The following MEFV variants were observed in gnomAD, a reference collection of about 807,000 sequenced individuals.
MEFV encodes the protein MEFV innate immunity regulator, pyrin.
In MEFV, 60 loss-of-function variants were observed where a neutral mutation model predicts 62.5. That is an observed-to-expected ratio of 0.96 (90% CI 0.78 to 1.19). The LOEUF is 1.19. MEFV is among the 50% of genes most tolerant of loss of function. MEFV has a pLI of 0.00. For synonymous variants in MEFV, 500 were observed against 415.2 expected (o/e 1.20, Z -2.48); for missense variants, 1,169 against 1,004.5 (o/e 1.16, Z -2.21).
Position 3,247,016 on chromosome 16 carries a change from C to A in MEFV, c.1587G>T (p.Gln529His). ...GAAAGCCGGGCCCAGGCACACCCAC[C>A]TGCAGAAGTTCCCATTCTGACTGGC... ...KECQSEWELL[Q>H]DIGDILHRAK... Residue 529 changes from glutamine to histidine, a missense_variant and splice_region_variant, in exon 5 of 10, where the codon CAG (glutamine) becomes CAT (histidine). Gln to His is a conservative substitution (Grantham distance 24). Coordinates refer to ENST00000219596, the MANE Select transcript of MEFV (RefSeq NM_000243.3). 2 of 1,614,154 alleles carry A rather than the reference C, an allele frequency of 1.2e-6. No individual in the cohort carries two copies. Among genetic ancestry groups the A allele is most frequent in the Non-Finnish European group, 8.5e-7 (1 of 1,179,980 alleles).
At chr16:3,252,584 A>T (rs745685945) in intron 2 of MEFV, among the ~76,000 whole-genome samples, 68 of 151,592 alleles carry the variant, frequency 4.5e-4, no homozygotes, top group Non-Finnish European at 1.8e-4. Context: ...TGGACCCCCA[A>T]TTCTATTTCT....
chr16:3,246,646 C>A, intron 5 of MEFV, 99 bp from the exon 6 acceptor site: 5 of 1,309,636 alleles, frequency 3.8e-6, no homozygotes, highest in Non-Finnish European at 5.5e-6. Context: ...TAGCTCCCCG[C>A]TGCACTTACC....
rs876660989 is a variant in MEFV at position 3,254,661 on chromosome 16, C to A, written c.407G>T (p.Gly136Val). 2 of 1,610,872 alleles carry A rather than the reference C, an allele frequency of 1.2e-6. No homozygotes were observed. Among genetic ancestry groups the A allele is most frequent in the Non-Finnish European group, 1.7e-6 (2 of 1,179,368 alleles). Reference protein sequence around the residue: ...GNEGNGPRPYGGGAASLRCSQ... With the variant: ...GNEGNGPRPYVGGAASLRCSQ... ...GCACCGCAGGCTGGCAGCTCCGCCCCCGTACGGCCGAGGGCCGTTCCCCTC... is the reference window on the plus strand; with the variant it reads ...GCACCGCAGGCTGGCAGCTCCGCCCACGTACGGCCGAGGGCCGTTCCCCTC... Residue 136 changes from glycine to valine, a missense_variant, in exon 2 of 10, where the codon GGG becomes GTG. Transcript: ENST00000219596.
At chr16:3,247,343 G>A in intron 4 of MEFV, 97 bp from the exon 5 acceptor site, 2 of 1,040,644 alleles carry the variant, frequency 1.9e-6, no homozygotes, top group South Asian at 2.6e-5. Context: ...AGGTGGATAA[G>A]AGGTGGGCTT....
chr16:3,254,870 C>T, intron 1 of MEFV, 80 bp from the exon 2 acceptor site: 1 of 1,596,888 alleles, frequency 6.3e-7, no homozygotes, highest in Non-Finnish European at 8.5e-7. Context: ...AGAGAGAATC[C>T]CCTTGGATAT....
At chr16:3,252,717 C>T (rs930458661) in intron 2 of MEFV, among the ~76,000 whole-genome samples, 2 of 150,410 alleles carry the variant, frequency 1.3e-5, no homozygotes, top group Admixed American at 6.7e-5. Flanking sequence ...GGCGGGGGAT[C>T]GCTTGAGCCC....
chr16:3,244,350 A>C, intron 7 of MEFV, 64 bp from the exon 8 acceptor site: 1 of 1,612,280 alleles, frequency 6.2e-7, no homozygotes, highest in Non-Finnish European at 8.5e-7. Flanking sequence ...GGACAGATGG[A>C]GGAGAGGTTG....
At chr16:3,243,734 GC>G in intron 9 of MEFV, 40 bp from the exon 10 acceptor site, 3 of 1,611,574 alleles carry the variant, frequency 1.9e-6, no homozygotes, top group Non-Finnish European at 2.5e-6. Context: ...GGGTCCATGG[GC>G]AACATCCCTA....
chr16:3,248,795 G>C (rs1337886937), intron 4 of MEFV, 114 bp downstream of exon 4: 1 of 1,597,282 alleles, frequency 6.3e-7, no homozygotes, highest in African/African-American at 1.3e-5. Flanking sequence ...TCCCCTGAGA[G>C]GAGGTGGCCA....
intron 6 of MEFV, among the ~76,000 whole-genome samples, chr16:3,245,442 G>A (rs918707040): frequency 6.6e-6 from 1 of 152,144 alleles, no homozygotes; most frequent in Non-Finnish European, 1.5e-5. Context: ...AGGAGTTTGA[G>A]ACCAGCCTGG....
At position 3,246,528 on chromosome 16, in the gene MEFV, T is replaced by A. The variant is rs1429940932; in HGVS notation, c.1607A>T (p.His536Leu). The change falls in exon 6 of 10, where the codon CAC (histidine) becomes CTC (leucine). Residue 536 changes from histidine to leucine, a missense_variant. Physicochemically the swap from His to Leu is moderately conservative, Grantham distance 99 (BLOSUM62 -3). Coordinates refer to ENST00000219596, the MANE Select transcript of MEFV (RefSeq NM_000243.3). ...ACACCACAGGACCTCGCTGTACCTG[T>A]GCAAGATGTCTCCAATGTCCTAGGA... ...ELLQDIGDIL[H>L]RAKTVPVPEK... The A allele has an allele frequency of 6.2e-7, 1 of 1,613,998 alleles. No individual in the cohort carries two copies. Among genetic ancestry groups the A allele is most frequent in the Non-Finnish European group, 8.5e-7 (1 of 1,180,026 alleles).
chr16:3,251,903 C>G, intron 2 of MEFV: 1 of 278,096 alleles, frequency 3.6e-6, no homozygotes, highest in Non-Finnish European at 7.7e-6. Flanking sequence ...CTAGAAGACA[C>G]CCAGGAATCC....
Position 3,254,768 on chromosome 16 carries a change from G to T in MEFV, c.300C>A (p.Gly100=). The change falls in exon 2 of 10, where the codon GGC becomes GGA. Residue 100 remains glycine (G), a synonymous_variant. Coordinates refer to ENST00000219596, the MANE Select transcript of MEFV (RefSeq NM_000243.3). ...AGCTGGACGCTGCGGAATCATCTGT[G>T]CCGTTTTCTTGTGTGGAATATTCTG... ...AIQEYSTQEN[G]TDDSAASSSL... is the part of the protein sequence containing the mutation. The T allele has an allele frequency of 1.9e-6, 3 of 1,612,334 alleles. No individual in the cohort carries two copies. Among genetic ancestry groups the T allele is most frequent in the Non-Finnish European group, 1.7e-6 (2 of 1,180,008 alleles).
At position 3,256,578 on chromosome 16, in the gene MEFV, T is replaced by A. The variant is rs975892709; in HGVS notation, c.10A>T (p.Thr4Ser). The A allele has an allele frequency of 6.2e-7, 1 of 1,614,112 alleles. No homozygotes were observed. Among genetic ancestry groups the A allele is most frequent in the Non-Finnish European group, 8.5e-7 (1 of 1,180,018 alleles). The change falls in exon 1 of 10, where the codon ACC becomes TCC. Residue 4 changes from threonine to serine, a missense_variant. Thr to Ser is a moderately conservative substitution (Grantham distance 58, BLOSUM62 1). Transcript: ENST00000219596. ...GTGGACAGCAGATGGTCACTAGGGGTCTTAGCCATGGTGCTGAGCAGGAGA... is the reference window on the plus strand; with the variant it reads ...GTGGACAGCAGATGGTCACTAGGGGACTTAGCCATGGTGCTGAGCAGGAGA... MAKTPSDHLLSTLE... is the reference protein window; with the variant it reads MAKSPSDHLLSTLE...
chr16:3,247,034 T>C lies in MEFV; in HGVS notation c.1569A>G (p.Ser523=). ...IGELEAKECQ[S]EWELLQDIGD... Reference sequence around the variant, plus strand: ...CACCCACCTGCAGAAGTTCCCATTCTGACTGGCACTCCTTGGCCTCCAGTT... The same window carrying C: ...CACCCACCTGCAGAAGTTCCCATTCCGACTGGCACTCCTTGGCCTCCAGTT... Residue 523 remains serine (S), a synonymous_variant, in exon 5 of 10, where the codon TCA becomes TCG. Coordinates refer to ENST00000219596, the MANE Select transcript of MEFV (RefSeq NM_000243.3). 6.2e-7 allele frequency: 1 copy of C among 1,614,230 alleles called. No individual in the cohort carries two copies. The highest frequency in any genetic ancestry group is 1.1e-5 in the South Asian group (1 of 91,092).
intron 8 of MEFV, 38 bp downstream of exon 8, chr16:3,244,216 A>T: frequency 6.2e-7 from 1 of 1,613,714 alleles, no homozygotes; most frequent in Non-Finnish European, 8.5e-7. Flanking sequence ...ACACTGCAAC[A>T]ACCCCAGGCC....
Position 3,243,628 on chromosome 16 carries a change from A to C in MEFV, c.1859T>G (p.Val620Gly). The C allele has an allele frequency of 1.9e-6, 3 of 1,600,214 alleles. No homozygotes were observed. Among genetic ancestry groups the C allele is most frequent in the Non-Finnish European group, 2.6e-6 (3 of 1,172,960 alleles). ...CCTCTCCCACTTGTTTCCAAGTCTA[A>C]CACTCTTCAGATCATCAGAGAAGAT... Reference protein sequence around the residue: ...NLIFSDDLKSVRLGNKWERLP... With the variant: ...NLIFSDDLKSGRLGNKWERLP... The change falls in exon 10 of 10, where the codon GTT (valine) becomes GGT (glycine). Residue 620 changes from valine to glycine, a missense_variant. Val to Gly is a moderately radical substitution (Grantham distance 109). Coordinates refer to ENST00000219596, the MANE Select transcript of MEFV (RefSeq NM_000243.3).
In MEFV at chr16:3,243,055, T is replaced by C; in HGVS notation, c.*86A>G. The C allele has an allele frequency of 2.1e-6, 3 of 1,461,290 alleles. No homozygotes were observed. Among genetic ancestry groups the C allele is most frequent in the East Asian group, 2.3e-5 (1 of 44,068 alleles). The allele number at this position is 1,461,290 out of a possible 1,614,324, so 90.5% of individuals were successfully genotyped here. On this transcript the variant is annotated 3_prime_UTR_variant, in exon 10 of 10. Coordinates refer to ENST00000219596, the MANE Select transcript of MEFV (RefSeq NM_000243.3). ...TTATTTTTGCATTTCCCATAGCAGC[T>C]AGCACCTAGTCGGCATTCCGTGACT...
Position 3,254,165 on chromosome 16 carries a change from C to G in MEFV, c.903G>C (p.Ser301=). 4 of 1,614,136 alleles carry G rather than the reference C, an allele frequency of 2.5e-6. No individual in the cohort carries two copies. The highest frequency in any genetic ancestry group is 3.4e-6 in the Non-Finnish European group (4 of 1,180,022). Residue 301 remains serine, a synonymous_variant, in exon 2 of 10, where the codon TCG becomes TCC. Transcript: ENST00000219596. The part of the protein sequence containing the change: ...LKEGPGNPEH[S]VTGRPPDTAA... ...GGAAAGAACACAATTTACCGGTGAC[C>G]GAATGTTCTGGATTTCCAGGGCCTT...
Sources: gnomAD v4.1 joint callset for allele counts (sites outside exome capture counted in the v4.1 genomes callset) on GRCh38, gnomAD v4.1.1 for gene constraint, MANE v1.5 for transcripts, NCBI Gene and HGNC (gene_info 2026-07-23, HGNC 2026-07-21) for gene names.